The following NPNT variants were observed in gnomAD, a reference collection of about 807,000 sequenced individuals.
NPNT encodes nephronectin.
A neutral mutation model predicts 68.6 loss-of-function variants in NPNT; 45 were observed. That is an observed-to-expected ratio of 0.66 (90% CI 0.52 to 0.84). The LOEUF is 0.84. Ranked by LOEUF, NPNT falls within the 40% of genes least tolerant of loss-of-function variation. NPNT has a pLI of 0.00. For synonymous variants in NPNT, 233 were observed against 253.3 expected, an observed-to-expected ratio of 0.92 and a Z score of 0.76; for missense variants, 672 against 714.8, an observed-to-expected ratio of 0.94 and a Z score of 0.68.
At chr4:105,919,530 C>A (rs534033713) in intron 2 of NPNT, among the ~76,000 whole-genome samples, 2 of 152,056 alleles carry the variant, frequency 1.3e-5, no homozygotes, top group African/African-American at 2.4e-5. Flanking sequence ...GAATCAAACA[C>A]TGCATTTAGT....
intron 8 of NPNT, among the ~76,000 whole-genome samples, chr4:105,955,597 A>G (rs180704370): frequency 2.0e-5 from 3 of 152,168 alleles, no homozygotes; most frequent in East Asian, 3.9e-4. Context: ...AAAAAAGTGA[A>G]CCAATACAAA....
intron 3 of NPNT, among the ~76,000 whole-genome samples, chr4:105,936,381 A>G (rs543981636): frequency 2.6e-5 from 4 of 152,346 alleles, no homozygotes; most frequent in South Asian, 4.1e-4. Context: ...AAGAAAAACT[A>G]CAATATTGAT....
chr4:105,963,318 A>T (rs555516832), intron 10 of NPNT, among the ~76,000 whole-genome samples: 18 of 152,342 alleles, frequency 1.2e-4, no homozygotes, highest in African/African-American at 4.1e-4. Context: ...TTATAAAAGA[A>T]TATGTGTTTG....
At chr4:105,905,565 C>A (rs931847378) in intron 2 of NPNT, among the ~76,000 whole-genome samples, 45 of 152,098 alleles carry the variant, frequency 3.0e-4, no homozygotes, top group Admixed American at 2.9e-3. Context: ...GGAAAGCAGT[C>A]CTCATTAGTT....
At chr4:105,925,003 AT>A (rs1728576661) in intron 2 of NPNT, among the ~76,000 whole-genome samples, 1 of 152,002 alleles carries the variant, frequency 6.6e-6, no homozygotes. Context: ...AAATGTTAAG[AT>A]TTATGGAAGG....
chr4:105,925,525 G>C (rs1728616101), intron 2 of NPNT, among the ~76,000 whole-genome samples: 1 of 152,128 alleles, frequency 6.6e-6, no homozygotes. Flanking sequence ...AGGAGTATTA[G>C]AGTCTTAAAG....
At position 105,942,295 on chromosome 4, in the gene NPNT, T is replaced by C; in HGVS notation, c.764-12T>C. On this transcript the variant is annotated splice_polypyrimidine_tract_variant and intron_variant, in intron 7 of 11. Coordinates refer to ENST00000379987, the MANE Select transcript of NPNT (RefSeq NM_001033047.3). ...ATGGTTACATACTGATTTAAGTCTT[T>C]GACTCTTTCAGATATCCCAAAAGTT... 3.8e-6 allele frequency: 6 copies of C among 1,573,692 alleles called. No homozygotes were observed. The highest frequency in any genetic ancestry group is 5.2e-6 in the Non-Finnish European group (6 of 1,155,658).
intron 1 of NPNT, among the ~76,000 whole-genome samples, chr4:105,896,182 A>T (rs1051176512): frequency 6.6e-6 from 1 of 151,758 alleles, no homozygotes; most frequent in African/African-American, 2.4e-5. Flanking sequence ...CCGCTCACAC[A>T]GAGAGTGGGT....
chr4:105,937,550 T>A (rs1729589317), intron 4 of NPNT, among the ~76,000 whole-genome samples: 2 of 152,126 alleles, frequency 1.3e-5, no homozygotes, highest in Admixed American at 6.5e-5. Context: ...CATAAATATT[T>A]TCTTCATTTT....
intron 8 of NPNT, among the ~76,000 whole-genome samples, chr4:105,944,380 CAG>C (rs1158816153): frequency 2.0e-5 from 3 of 152,022 alleles, no homozygotes; most frequent in African/African-American, 7.2e-5. Flanking sequence ...CTTAGGATAA[CAG>C]GGAAATTTGG....
chr4:105,897,861 A>C (rs755323533), intron 1 of NPNT, 40 bp from the exon 2 acceptor site: 2 of 1,502,612 alleles, frequency 1.3e-6, no homozygotes, highest in Admixed American at 1.7e-5. Context: ...CTTTCTTCTC[A>C]AAAGTGTCCT....
intron 2 of NPNT, among the ~76,000 whole-genome samples, chr4:105,899,539 C>T (rs1726228059): frequency 6.6e-6 from 1 of 152,132 alleles, no homozygotes; most frequent in Admixed American, 6.5e-5. Context: ...CTGGAGTTAC[C>T]ACCATCTCCC....
chr4:105,940,572 C>T lies in NPNT; in HGVS notation c.699C>T (p.Asn233=), dbSNP rs777864239. Residue 233 remains asparagine (N), a synonymous_variant, in exon 7 of 12, where the codon AAC becomes AAT. Coordinates refer to ENST00000379987, the MANE Select transcript of NPNT (RefSeq NM_001033047.3). ...GCAGCAGCTTTGCTCGATGTTATAA[C>T]ATACGTGGGTCCTACAAGTGCAAAT... ...YQCSSFARCY[N]IRGSYKCKCK... 16 of 1,612,598 alleles carry T rather than the reference C, an allele frequency of 9.9e-6. No individual in the cohort carries two copies. The highest frequency in any genetic ancestry group is 2.2e-5 in the East Asian group (1 of 44,866).
chr4:105,910,623 G>C (rs1727288043), intron 2 of NPNT, among the ~76,000 whole-genome samples: 1 of 152,106 alleles, frequency 6.6e-6, no homozygotes. Flanking sequence ...AAACTTCCTA[G>C]AAGTAATCTA....
intron 2 of NPNT, among the ~76,000 whole-genome samples, chr4:105,917,260 G>A (rs1317510343): frequency 6.6e-6 from 1 of 152,168 alleles, no homozygotes; most frequent in Non-Finnish European, 1.5e-5. Flanking sequence ...ATGCCTGTTG[G>A]CTTTTCTTAT....
intron 2 of NPNT, among the ~76,000 whole-genome samples, chr4:105,916,571 A>C (rs916936642): frequency 1.3e-5 from 2 of 152,162 alleles, no homozygotes; most frequent in African/African-American, 2.4e-5. Flanking sequence ...CAATGTATTA[A>C]AAATGAGCCC....
chr4:105,964,539 A>G (rs1196682432), intron 10 of NPNT, among the ~76,000 whole-genome samples: 2 of 152,228 alleles, frequency 1.3e-5, no homozygotes, highest in East Asian at 1.9e-4. Flanking sequence ...CATTCCCAAT[A>G]TATTATAAAA....
intron 2 of NPNT, among the ~76,000 whole-genome samples, chr4:105,915,200 T>A (rs2149337108): frequency 6.6e-6 from 1 of 152,280 alleles, no homozygotes; most frequent in African/African-American, 2.4e-5. Flanking sequence ...AAGAAGTATG[T>A]GCCTCATTTC....
intron 2 of NPNT, among the ~76,000 whole-genome samples, chr4:105,918,430 A>C (rs898908110): frequency 1.3e-5 from 2 of 152,202 alleles, no homozygotes; most frequent in African/African-American, 4.8e-5. Flanking sequence ...AAAAAATGAT[A>C]ATTTTCAACT....
Sources: allele counts gnomAD v4.1 joint callset (sites outside exome capture counted in the v4.1 genomes callset), GRCh38; gene constraint gnomAD v4.1.1; transcripts MANE v1.5; gene names NCBI Gene and HGNC (gene_info 2026-07-23, HGNC 2026-07-21).